PSMF1: variants seen among roughly 807,000 people sequenced by gnomAD.
PSMF1 encodes the protein proteasome inhibitor PI31 subunit.
Under a neutral mutation model 29.3 loss-of-function variants are expected in PSMF1, and 30 were observed. That is an observed-to-expected ratio of 1.02 (90% CI 0.77 to 1.39). The LOEUF (loss-of-function observed/expected upper bound fraction) is 1.39, where lower values mean the gene tolerates loss of function less well. Ranked by LOEUF, PSMF1 falls within the 40% of genes most tolerant of loss-of-function variation. PSMF1 has a pLI of 0.00. For synonymous variants in PSMF1, 134 were observed against 139.7 expected, an observed-to-expected ratio of 0.96 and a Z score of 0.29; for missense variants, 344 against 357.5, an observed-to-expected ratio of 0.96 and a Z score of 0.31.
At chr20:1,115,529 T>G (rs1280517649), upstream of PSMF1, among the ~76,000 whole-genome samples, 1 of 152,228 alleles carries the variant, frequency 6.6e-6, no homozygotes, top group Non-Finnish European at 1.5e-5. Context: ...CTAAGGCTGA[T>G]AGCTCTCACT....
Position 1,136,059 on chromosome 20 carries a change from A to G in PSMF1, c.551+753A>G, listed in dbSNP as rs571894928. Among the ~76,000 whole-genome samples, 26 of 152,348 alleles carry G rather than the reference A, an allele frequency of 1.7e-4. 1 individual carries two copies. In the South Asian group the frequency reaches 4.6e-3, roughly 27 times the overall value. On this transcript the variant is annotated intron_variant, in intron 4 of 6. Transcript: ENST00000335877. ...CATTGTTATTTTATTCTGGTTTGCA[A>G]TTATATGCCTTTAGTTAGCTAAAAA...
At chr20:1,138,382 C>T (rs984155196) in intron 4 of PSMF1, among the ~76,000 whole-genome samples, 3 of 152,004 alleles carry the variant, frequency 2.0e-5, no homozygotes, top group East Asian at 1.9e-4. Context: ...GGAGGCCAGG[C>T]GCCCGGTGGC....
chr20:1,156,432 G>A (rs1177019047), intron 4 of PSMF1, among the ~76,000 whole-genome samples: 1 of 152,038 alleles, frequency 6.6e-6, no homozygotes, highest in Non-Finnish European at 1.5e-5. Flanking sequence ...CCCTAAATAG[G>A]ATAAACCTAA....
At chr20:1,134,951 GC>G in intron 3 of PSMF1, 169 bp from the exon 4 acceptor site, 1 of 717,892 alleles carries the variant, frequency 1.4e-6, no homozygotes, top group South Asian at 1.5e-5. Flanking sequence ...TGGGGCTGTT[GC>G]CCCCCTCACC....
At chr20:1,123,630 T>A (rs1215529923) in intron 1 of PSMF1, among the ~76,000 whole-genome samples, 1 of 152,234 alleles carries the variant, frequency 6.6e-6, no homozygotes, top group African/African-American at 2.4e-5. Context: ...GCATTTTATC[T>A]CCACTTTTGC....
rs6032895 is a variant in PSMF1 at position 1,123,654 on chromosome 20, G to A, written c.130-1844G>A. Reference sequence around the variant, plus strand: ...CTCCACTTTTGCTACCTTAGCCAAGGCTATAATGAAGATCCTTTGTTATGT... The same window carrying A: ...CTCCACTTTTGCTACCTTAGCCAAGACTATAATGAAGATCCTTTGTTATGT... On this transcript the variant is annotated intron_variant, in intron 1 of 6. Transcript: ENST00000335877. Among the ~76,000 whole-genome samples the A allele has an allele frequency of 2.9e-3, 437 of 152,142 alleles. 4 individuals are homozygous for A. Among genetic ancestry groups the A allele is most frequent in the African/African-American group, 0.01 (415 of 41,470 alleles).
rs749274129 is a variant in PSMF1 at position 1,164,488 on chromosome 20, C to T, written c.764+12C>T. On this transcript the variant is annotated intron_variant, in intron 6 of 6. Coordinates refer to ENST00000335877, the MANE Select transcript of PSMF1 (RefSeq NM_006814.5). The surrounding 1 kb of genome is among the most constrained non-coding windows in gnomAD (Gnocchi z 4.1). ...ACCAGCCCACCCGGGTACGTAGTCA[C>T]TCAGGTATGCTGAGAAGTAGGACCT... The T allele has an allele frequency of 1.4e-5, 22 of 1,613,864 alleles. No individual in the cohort carries two copies. The highest frequency in any genetic ancestry group is 1.8e-5 in the Non-Finnish European group (21 of 1,179,804).
In PSMF1 at chr20:1,125,583, A is replaced by C; in HGVS notation, c.215A>C (p.Lys72Thr). 1 of 1,614,142 alleles carries C rather than the reference A, an allele frequency of 6.2e-7. No individual in the cohort carries two copies. The highest frequency in any genetic ancestry group is 1.1e-5 in the South Asian group (1 of 91,080). ...KDLYVLRYEY[K>T]DGSRKLLVKA... ...CTGTATGTCCTCCGGTATGAGTATAAGGATGGGTCCAGAAAGCTCCTTGTG... is the reference window on the plus strand; with the variant it reads ...CTGTATGTCCTCCGGTATGAGTATACGGATGGGTCCAGAAAGCTCCTTGTG... The change falls in exon 2 of 7, where the codon AAG becomes ACG. Residue 72 changes from lysine to threonine, a missense_variant. Transcript: ENST00000335877.
At chr20:1,113,599 G>T (rs1430750163), upstream of PSMF1, among the ~76,000 whole-genome samples, 1 of 152,114 alleles carries the variant, frequency 6.6e-6, no homozygotes, top group Admixed American at 6.5e-5. Context: ...CCTAGTGCAA[G>T]AGATAGAGCT....
chr20:1,152,498 G>A (rs1301434205), intron 4 of PSMF1, among the ~76,000 whole-genome samples: 1 of 152,236 alleles, frequency 6.6e-6, no homozygotes, highest in Non-Finnish European at 1.5e-5. Context: ...ATGACACCAT[G>A]GGGTAAGCAC....
At chr20:1,151,629 G>A (rs2086531984) in intron 4 of PSMF1, among the ~76,000 whole-genome samples, 1 of 152,216 alleles carries the variant, frequency 6.6e-6, no homozygotes. Context: ...TGTGGACCCA[G>A]CCTTCAAGGA....
At chr20:1,125,383 C>T in intron 1 of PSMF1, 115 bp from the exon 2 acceptor site, 1 of 1,162,580 alleles carries the variant, frequency 8.6e-7, no homozygotes, top group Non-Finnish European at 1.2e-6. Flanking sequence ...TTCTCTTGAC[C>T]TCCACATCTT....
intron 1 of PSMF1, among the ~76,000 whole-genome samples, chr20:1,123,480 A>G (rs569055507): frequency 3.3e-5 from 5 of 152,232 alleles, no homozygotes; most frequent in Non-Finnish European, 5.9e-5. Context: ...AAATTTTTAC[A>G]TAAGTGGTAC....
At chr20:1,161,218 A>G in intron 4 of PSMF1, 1 of 320,956 alleles carries the variant, frequency 3.1e-6, no homozygotes, top group Non-Finnish European at 6.1e-6. Flanking sequence ...AAGGAGAAGC[A>G]GTGCTGCGTC....
At chr20:1,123,236 A>G (rs1234489255) in intron 1 of PSMF1, among the ~76,000 whole-genome samples, 1 of 152,186 alleles carries the variant, frequency 6.6e-6, no homozygotes, top group Non-Finnish European at 1.5e-5. Flanking sequence ...TCTGAGCACC[A>G]GGGGTGACGA....
At chr20:1,153,946 TTA>T in intron 4 of PSMF1, among the ~76,000 whole-genome samples, 1 of 152,312 alleles carries the variant, frequency 6.6e-6, no homozygotes, top group Admixed American at 6.5e-5. Flanking sequence ...TGCATGAAAG[TTA>T]TTAAGTACAG....
chr20:1,172,061 T>C lies in PSMF1; in HGVS notation c.*6981T>C, dbSNP rs2086795599. Among the ~76,000 whole-genome samples the C allele has an allele frequency of 6.6e-6, 1 of 152,196 alleles. No individual in the cohort carries two copies. Among genetic ancestry groups the C allele is most frequent in the South Asian group, 2.1e-4 (1 of 4,838 alleles). ...CTGCCTATCTGTGAGAGTCCATGAC[T>C]AAGTGGGCCATGGGCTGGACTGAGT... is the stretch of plus-strand genomic sequence containing the variant. On this transcript the variant is annotated 3_prime_UTR_variant, in exon 7 of 7. Transcript: ENST00000335877.
chr20:1,120,611 T>C (rs2122441152), intron 1 of PSMF1, among the ~76,000 whole-genome samples: 1 of 152,330 alleles, frequency 6.6e-6, no homozygotes, highest in Middle Eastern at 3.4e-3. Flanking sequence ...GCCCCAGTCA[T>C]TTTATTTCAA....
rs1278030281 is a variant in PSMF1, at chr20:1,164,858, G to A, written c.765-171G>A. Among the ~76,000 whole-genome samples, 2 of 152,122 alleles carry A rather than the reference G, an allele frequency of 1.3e-5. No homozygotes were observed. Among genetic ancestry groups the A allele is most frequent in the Non-Finnish European group, 2.9e-5 (2 of 68,034 alleles). On this transcript the variant is annotated intron_variant, in intron 6 of 6. Coordinates refer to ENST00000335877, the MANE Select transcript of PSMF1 (RefSeq NM_006814.5). The surrounding 1 kb of genome is among the most constrained non-coding windows in gnomAD (Gnocchi z 4.1). The stretch of plus-strand genomic sequence containing the variant: ...AAGATTAGGTAACTTATACCAAGCG[G>A]GGGAGTCAGGATTCAAACCCCGGTT...
Sources: gnomAD v4.1 joint callset for allele counts (sites outside exome capture counted in the v4.1 genomes callset) on GRCh38, gnomAD v4.1.1 for gene constraint, Gnocchi (gnomAD v3.1) non-coding constraint, MANE v1.5 for transcripts, NCBI Gene and HGNC (gene_info 2026-07-23, HGNC 2026-07-21) for gene names.